Variants in FBXO7 observed in about 807,000 individuals in gnomAD.
FBXO7 encodes the protein F-box only protein 7.
A neutral mutation model predicts 50.2 loss-of-function variants in FBXO7; 31 were observed. That is an observed-to-expected ratio of 0.62 (90% CI 0.46 to 0.83). FBXO7 has a LOEUF of 0.83. Among genes scored for constraint, FBXO7 ranks in the 40% least tolerant of loss-of-function variants. The pLI, the probability that FBXO7 is intolerant of heterozygous loss-of-function variation, is 0.00. For synonymous variants in FBXO7, 256 were observed against 253.1 expected (o/e 1.01, Z -0.11); for missense variants, 667 against 646.6 (o/e 1.03, Z -0.34).
intron 6 of FBXO7, chr22:32,492,830 A>G (rs961620518): frequency 1.7e-5 from 8 of 468,224 alleles, no homozygotes; most frequent in East Asian, 4.1e-5. Flanking sequence ...GTATTTAGCA[A>G]TTATCATAGT....
intron 1 of FBXO7, among the ~76,000 whole-genome samples, chr22:32,477,313 A>G (rs1229605262): frequency 1.3e-5 from 2 of 152,272 alleles, no homozygotes; most frequent in African/African-American, 4.8e-5. Flanking sequence ...ATAAGTAAAC[A>G]ATATAATTTT....
At chr22:32,481,882 CTTT>C (rs11392505) in intron 2 of FBXO7, among the ~76,000 whole-genome samples, 2 of 148,384 alleles carry the variant, frequency 1.3e-5, no homozygotes, top group Non-Finnish European at 3.0e-5. Flanking sequence ...TGGTGCTCAC[CTTT>C]TTTTTTTCAT....
At chr22:32,495,197 A>G (rs920241765) in intron 7 of FBXO7, among the ~76,000 whole-genome samples, 1 of 152,254 alleles carries the variant, frequency 6.6e-6, no homozygotes, top group African/African-American at 2.4e-5. Context: ...GTGTAGGACC[A>G]GTTAATGCAG....
chr22:32,496,577 A>C (rs919240806), intron 8 of FBXO7, among the ~76,000 whole-genome samples: 7 of 152,212 alleles, frequency 4.6e-5, no homozygotes, highest in Non-Finnish European at 5.9e-5. Flanking sequence ...ACAGTACATC[A>C]TTTATGGCAT....
At chr22:32,490,935 T>C in intron 5 of FBXO7, 151 bp from the exon 6 acceptor site, 1 of 631,042 alleles carries the variant, frequency 1.6e-6, no homozygotes, top group Non-Finnish European at 2.8e-6. Context: ...AGTCTTGCAC[T>C]GTACTTCTTC....
intron 4 of FBXO7, among the ~76,000 whole-genome samples, chr22:32,486,555 C>CA (rs2057500111): frequency 6.6e-6 from 1 of 152,114 alleles, no homozygotes; most frequent in Admixed American, 6.6e-5. Flanking sequence ...AGGCTGGTCT[C>CA]AAACTCCTGG....
At chr22:32,477,826 T>G (rs763629666) in intron 1 of FBXO7, among the ~76,000 whole-genome samples, 2 of 152,210 alleles carry the variant, frequency 1.3e-5, no homozygotes, top group Non-Finnish European at 2.9e-5. Context: ...CACAAGTACT[T>G]TATTTGCCAG....
intron 2 of FBXO7, among the ~76,000 whole-genome samples, chr22:32,481,025 C>T (rs927021884): frequency 3.9e-5 from 6 of 151,978 alleles, no homozygotes; most frequent in African/African-American, 1.5e-4. Context: ...TTTTTAATAC[C>T]AATACACATG....
chr22:32,497,130 C>T (rs976135571), intron 8 of FBXO7, among the ~76,000 whole-genome samples: 1 of 152,132 alleles, frequency 6.6e-6, no homozygotes, highest in Non-Finnish European at 1.5e-5. Context: ...TTGCTTCTTA[C>T]GGATAAAGAG....
At chr22:32,488,044 C>T (rs1337016594) in intron 5 of FBXO7, 2 of 517,454 alleles carry the variant, frequency 3.9e-6, no homozygotes, top group African/African-American at 1.9e-5. Flanking sequence ...TTCTTAGGGT[C>T]ATAGTGTGCT....
chr22:32,484,920 A>T (rs1043482847), intron 3 of FBXO7, 148 bp from the exon 4 acceptor site: 1 of 849,046 alleles, frequency 1.2e-6, no homozygotes, highest in East Asian at 2.7e-5. Context: ...TATAAAATAT[A>T]TTGGCAATGT....
chr22:32,475,030 C>A lies in FBXO7; in HGVS notation c.28C>A (p.Arg10=). 6.5e-7 allele frequency: 1 copy of A among 1,541,134 alleles called. No individual in the cohort carries two copies. Residue 10 remains arginine, a synonymous_variant, in exon 1 of 9, where the codon CGG becomes AGG. Coordinates refer to ENST00000266087, the MANE Select transcript of FBXO7 (RefSeq NM_012179.4). MRLRVRLLK[R]TWPLEVPETE... ...GAGGCTGCGGGTGCGGCTTCTGAAG[C>A]GGACCTGGCCGCTGGAGGTGCCCGA...
chr22:32,479,184 G>C lies in FBXO7; in HGVS notation c.326G>C (p.Ser109Thr). Residue 109 changes from serine (S) to threonine (T), a missense_variant, in exon 2 of 9, where the codon AGC becomes ACC. Transcript: ENST00000266087. The part of the protein sequence containing the change: ...QNNEQPSLAT[S>T]SNQTSMQDEQ... ...AATGAGCAACCCTCTTTGGCCACCA[G>C]CTCCAATCAGACTAGCATGCAGGAT... The C allele has an allele frequency of 6.2e-7, 1 of 1,614,050 alleles. No homozygotes were observed. The highest frequency in any genetic ancestry group is 1.1e-5 in the South Asian group (1 of 91,074).
chr22:32,485,553 A>G (rs995721116), intron 4 of FBXO7, among the ~76,000 whole-genome samples: 7 of 152,168 alleles, frequency 4.6e-5, no homozygotes, highest in African/African-American at 1.7e-4. Flanking sequence ...TCCTTGGAGA[A>G]TACTTTTTCT....
intron 1 of FBXO7, 163 bp downstream of exon 1, chr22:32,475,287 C>A (rs560130927): frequency 2.5e-6 from 4 of 1,594,038 alleles, no homozygotes; most frequent in Admixed American, 3.5e-5. Flanking sequence ...CCGGGCTCTT[C>A]CGGGCGTCGC....
chr22:32,475,139 G>GGGCTGGGCGGCCCGC lies in FBXO7; in HGVS notation c.122+18_122+32dup. On this transcript the variant is annotated intron_variant, in intron 1 of 8. Coordinates refer to ENST00000266087, the MANE Select transcript of FBXO7 (RefSeq NM_012179.4). Reference sequence around the variant, plus strand: ...TGGGGGTACAGGTACGCTGGGGCCGGGGCTGGGCGGCCCGCGGGGAGTGGG... The same window carrying GGGCTGGGCGGCCCGC: ...TGGGGGTACAGGTACGCTGGGGCCGGGGCTGGGCGGCCCGCGGCTGGGCGGCCCGCGGGGAGTGGG... 6.5e-7 allele frequency: 1 copy of GGGCTGGGCGGCCCGC among 1,538,842 alleles called. No homozygotes were observed. The highest frequency in any genetic ancestry group is 8.7e-7 in the Non-Finnish European group (1 of 1,143,130).
At chr22:32,489,149 A>G (rs930839648) in intron 5 of FBXO7, 1 of 152,138 alleles carries the variant, frequency 6.6e-6, no homozygotes, top group Non-Finnish European at 1.5e-5. Flanking sequence ...AGAGTTTCTC[A>G]ATCTTTTTAT....
intron 5 of FBXO7, chr22:32,490,802 T>C (rs768140313): frequency 3.5e-5 from 14 of 394,432 alleles, no homozygotes; most frequent in Non-Finnish European, 6.1e-5. Flanking sequence ...AATCTTCGTA[T>C]GTATGAATCT....
intron 2 of FBXO7, among the ~76,000 whole-genome samples, chr22:32,479,760 G>A (rs901564595): frequency 7.2e-4 from 109 of 152,198 alleles, no homozygotes; most frequent in African/African-American, 2.5e-3. Context: ...TATGGGGCTG[G>A]CATCCCAAAG....
Sources: gnomAD v4.1 joint callset for allele counts (sites outside exome capture counted in the v4.1 genomes callset) on GRCh38, gnomAD v4.1.1 for gene constraint, MANE v1.5 for transcripts, NCBI Gene and HGNC (gene_info 2026-07-23, HGNC 2026-07-21) for gene names.